RASGEF1B: variants seen among roughly 807,000 people sequenced by gnomAD.
RASGEF1B encodes the protein RasGEF domain family member 1B.
Under a neutral mutation model 65.7 loss-of-function variants are expected in RASGEF1B, and 30 were observed. The ratio of observed to expected loss-of-function variants is 0.46; its 90% CI spans 0.34 to 0.62. The LOEUF (loss-of-function observed/expected upper bound fraction) is 0.62, where lower values mean the gene tolerates loss of function less well. Among genes scored for constraint, RASGEF1B ranks in the 20% least tolerant of loss-of-function variants. The pLI is 0.01. For synonymous variants in RASGEF1B, 175 were observed against 194.8 expected (o/e 0.90, Z 0.85); for missense variants, 495 against 580.1 (o/e 0.85, Z 1.51).
intron 1 of RASGEF1B, among the ~76,000 whole-genome samples, chr4:81,464,717 G>A (rs1477311507): frequency 1.3e-5 from 2 of 152,106 alleles, no homozygotes; most frequent in Non-Finnish European, 2.9e-5. Flanking sequence ...ATTTCTCTAC[G>A]CCAAGGAAGA....
chr4:81,449,863 T>G (rs1722188138), intron 4 of RASGEF1B, among the ~76,000 whole-genome samples: 1 of 152,196 alleles, frequency 6.6e-6, no homozygotes, highest in Admixed American at 6.5e-5. Flanking sequence ...TCTTGCATAG[T>G]CAAGGTGTAA....
intron 11 of RASGEF1B, 23 bp downstream of exon 11, chr4:81,434,616 G>C (rs774446991): frequency 1.4e-5 from 20 of 1,437,530 alleles, no homozygotes; most frequent in African/African-American, 2.8e-5. Context: ...TTGGATTTTT[G>C]TATCCTACTT....
chr4:81,462,806 G>A (rs906996934), intron 1 of RASGEF1B, among the ~76,000 whole-genome samples: 1 of 152,166 alleles, frequency 6.6e-6, no homozygotes, highest in Non-Finnish European at 1.5e-5. Context: ...GTGATGCAGA[G>A]GGCTCTGAGA....
chr4:81,468,905 T>C (rs1036654908), intron 1 of RASGEF1B, among the ~76,000 whole-genome samples: 8 of 152,108 alleles, frequency 5.3e-5, no homozygotes, highest in Non-Finnish European at 1.0e-4. Context: ...ACTGCAGGCA[T>C]AGAGAAAAAA....
At chr4:81,457,370 T>G (rs1722482866) in intron 3 of RASGEF1B, 129 bp downstream of exon 3, 1 of 807,594 alleles carries the variant, frequency 1.2e-6, no homozygotes, top group Non-Finnish European at 2.0e-6. Flanking sequence ...CAATTCCCCT[T>G]GTATAGCCAT....
At chr4:81,464,233 C>T (rs1722735234) in intron 1 of RASGEF1B, among the ~76,000 whole-genome samples, 1 of 152,134 alleles carries the variant, frequency 6.6e-6, no homozygotes, top group Admixed American at 6.5e-5. Flanking sequence ...AAAATTTTGC[C>T]TAACTCAATA....
At chr4:81,458,144 G>A (rs17558175) in intron 2 of RASGEF1B, among the ~76,000 whole-genome samples, 5,347 of 152,240 alleles carry the variant, frequency 0.035, 121 homozygotes, top group Middle Eastern at 0.099. Context: ...ACATTCAAAG[G>A]CAGGCTTTCA....
intron 11 of RASGEF1B, 48 bp downstream of exon 11, chr4:81,434,591 C>T (rs1721543305): frequency 4.7e-6 from 5 of 1,059,080 alleles, no homozygotes; most frequent in Non-Finnish European, 7.4e-6. Context: ...GGAGAAGCTG[C>T]CCCTCTCCTT....
chr4:81,443,304 C>G (rs1721911626), intron 8 of RASGEF1B, among the ~76,000 whole-genome samples: 1 of 152,144 alleles, frequency 6.6e-6, no homozygotes, highest in Admixed American at 6.5e-5. Flanking sequence ...AATTTACATA[C>G]AAAAAATACA....
rs375940854 is a variant in RASGEF1B, at chr4:81,466,955, AG to A, written c.-7+4814del. Among the ~76,000 whole-genome samples, 340 of 149,586 alleles carry A rather than the reference AG, an allele frequency of 2.3e-3. 4 individuals are homozygous for A. Among genetic ancestry groups the A allele is most frequent in the African/African-American group, 7.5e-3 (308 of 40,820 alleles). ...ACCTCCTTAAAAAAAAAAAAAAAAAAGAAAAAAAAGGTATTGTATTGAGAGG... is the reference window on the plus strand; with the variant it reads ...ACCTCCTTAAAAAAAAAAAAAAAAAAAAAAAAAAGGTATTGTATTGAGAGG... On this transcript the variant is annotated intron_variant, in intron 1 of 13. Coordinates refer to ENST00000264400, the MANE Select transcript of RASGEF1B (RefSeq NM_152545.3).
At chr4:81,469,793 G>T (rs1008164265) in intron 1 of RASGEF1B, among the ~76,000 whole-genome samples, 1 of 152,114 alleles carries the variant, frequency 6.6e-6, no homozygotes, top group Non-Finnish European at 1.5e-5. Context: ...AGATGTGTTA[G>T]TATCAGATAA....
rs145951803 is a variant in RASGEF1B at position 81,446,519 on chromosome 4, G to A, written c.730-681C>T. 2.3e-3 allele frequency among the ~76,000 whole-genome samples: 355 copies of A among 152,140 alleles called. 3 individuals are homozygous for A. The highest frequency in any genetic ancestry group is 8.2e-3 in the African/African-American group (340 of 41,506). ...AGTGCAAATACCAACTGCTATAATC[G>A]ATACAGCAAAAAATGGCTAAGAGTA... is the stretch of plus-strand genomic sequence containing the variant. On this transcript the variant is annotated intron_variant, in intron 6 of 13. Coordinates refer to ENST00000264400, the MANE Select transcript of RASGEF1B (RefSeq NM_152545.3).
rs1012629917 is a variant in RASGEF1B, at chr4:81,456,668, T to C, written c.421A>G (p.Ile141Val). The C allele has an allele frequency of 1.2e-6, 2 of 1,614,210 alleles. No individual in the cohort carries two copies. Among genetic ancestry groups the C allele is most frequent in the Non-Finnish European group, 1.7e-6 (2 of 1,180,018 alleles). ...MRNLKDLAHR[I>V]ASGEEQTYRK... ...TTACCAACCTCTTCGCCACTGGCTA[T>C]TCGGTGAGCCAGATCTTTTAAGTTT... Residue 141 changes from isoleucine (I) to valine (V), a missense_variant, in exon 4 of 14, where the codon ATA (isoleucine) becomes GTA (valine). By Grantham distance (29) the Ile-to-Val change is conservative. Transcript: ENST00000264400.
intron 11 of RASGEF1B, 28 bp downstream of exon 11, chr4:81,434,611 T>G (rs1220536157): frequency 2.1e-6 from 3 of 1,400,754 alleles, no homozygotes; most frequent in African/African-American, 2.8e-5. Context: ...TGTGCTTGGA[T>G]TTTTGTATCC....
chr4:81,464,275 T>A (rs1057134169), intron 1 of RASGEF1B, among the ~76,000 whole-genome samples: 1 of 152,126 alleles, frequency 6.6e-6, no homozygotes, highest in Non-Finnish European at 1.5e-5. Flanking sequence ...TAACAAAAAA[T>A]TTTGTTTAGG....
In RASGEF1B at chr4:81,434,544, G is replaced by T. The variant is rs75152816; in HGVS notation, c.1200+95C>A. On this transcript the variant is annotated intron_variant, in intron 11 of 13. Coordinates refer to ENST00000264400, the MANE Select transcript of RASGEF1B (RefSeq NM_152545.3). ...AGAGATAATTTGTTCTGAAACTGCA[G>T]AATTGGCTTTGGCTGCCTGGCCAGG... 1,781 of 742,858 alleles carry T rather than the reference G, an allele frequency of 2.4e-3. 14 individuals carry two copies. The highest frequency in any genetic ancestry group is 0.023 in the East Asian group (869 of 38,564). 46.0% of individuals were successfully genotyped at this position (742,858 alleles called of 1,614,324 possible). A position where few individuals can be genotyped will look rare whatever the true frequency, so the allele number is the denominator to read the frequency against.
At chr4:81,467,044 AACTCCAAG>A (rs1722864648) in intron 1 of RASGEF1B, among the ~76,000 whole-genome samples, 2 of 152,074 alleles carry the variant, frequency 1.3e-5, no homozygotes, top group African/African-American at 4.8e-5. Flanking sequence ...AACAGACAGA[AACTCCAAG>A]ACTCCAAGAT....
intron 3 of RASGEF1B, 123 bp downstream of exon 3, chr4:81,457,376 G>T (rs1722483440): frequency 1.2e-6 from 1 of 846,564 alleles, no homozygotes; most frequent in Non-Finnish European, 1.9e-6. Flanking sequence ...CCCTTGTATA[G>T]CCATGATGCC....
chr4:81,436,819 A>T (rs1368052624), intron 10 of RASGEF1B, among the ~76,000 whole-genome samples: 3 of 152,232 alleles, frequency 2.0e-5, no homozygotes, highest in African/African-American at 7.2e-5. Context: ...AGTCATTTAA[A>T]AAACAAGTTT....
Sources: allele counts gnomAD v4.1 joint callset (sites outside exome capture counted in the v4.1 genomes callset), GRCh38; gene constraint gnomAD v4.1.1; transcripts MANE v1.5; gene names NCBI Gene and HGNC (gene_info 2026-07-23, HGNC 2026-07-21).